Variants in GNB4 observed in about 807,000 individuals in gnomAD.
GNB4 encodes guanine nucleotide-binding protein subunit beta-4.
In GNB4, 28 loss-of-function variants were observed where a neutral mutation model predicts 45.2. That is an observed-to-expected ratio of 0.62 (90% CI 0.46 to 0.85). The LOEUF is 0.85. Among genes scored for constraint, GNB4 ranks in the 40% least tolerant of loss-of-function variants. The pLI is 0.00. For synonymous variants in GNB4, 132 were observed against 143.7 expected (o/e 0.92, Z 0.58); for missense variants, 321 against 425.4 (o/e 0.75, Z 2.16).
chr3:179,479,291 G>A, the GNB4 span, among the ~76,000 whole-genome samples: 1 of 151,878 alleles, frequency 6.6e-6, no homozygotes, highest in Non-Finnish European at 1.5e-5. Context: ...ACAATCCTTG[G>A]TGCCCATTTT....
At chr3:179,461,929 A>AT in the GNB4 span, among the ~76,000 whole-genome samples, 2 of 152,166 alleles carry the variant, frequency 1.3e-5, no homozygotes, top group Non-Finnish European at 2.9e-5. Context: ...CCGATATATT[A>AT]TTGTTGAATT....
the GNB4 span, among the ~76,000 whole-genome samples, chr3:179,523,461 A>T: frequency 1.5e-4 from 23 of 152,196 alleles, no homozygotes; most frequent in Non-Finnish European, 2.2e-4. Context: ...TATTGAGGAT[A>T]GGAGAGTATG....
At chr3:179,468,044 A>ATATATATATG in the GNB4 span, among the ~76,000 whole-genome samples, 50 of 99,084 alleles carry the variant, frequency 5.0e-4, 13 homozygotes, top group South Asian at 1.2e-3. Flanking sequence ...AAATATATAT[A>ATATATATATG]TATATAGAAC....
intron 5 of GNB4, among the ~76,000 whole-genome samples, chr3:179,416,218 T>C (rs1714793958): frequency 1.3e-5 from 2 of 152,192 alleles, no homozygotes; most frequent in Non-Finnish European, 2.9e-5. Context: ...ATGGGAATTT[T>C]TAAAAATCAT....
chr3:179,468,035 A>AAAAAAAAAAAAAAAATATATATATATAT, the GNB4 span, among the ~76,000 whole-genome samples: 4 of 89,862 alleles, frequency 4.5e-5, no homozygotes, highest in African/African-American at 1.6e-4. Flanking sequence ...TGTTGATAAA[A>AAAAAAAAAAAAAAAATATATATATATAT]ATATATATAT....
At chr3:179,526,629 CT>C in the GNB4 span, among the ~76,000 whole-genome samples, 2 of 151,694 alleles carry the variant, frequency 1.3e-5, no homozygotes, top group African/African-American at 4.9e-5. Context: ...TTTATTCTCT[CT>C]CTAACTCAAC....
chr3:179,457,944 A>C, the GNB4 span, among the ~76,000 whole-genome samples: 2 of 147,606 alleles, frequency 1.4e-5, no homozygotes, highest in African/African-American at 5.0e-5. Flanking sequence ...TTGCTCTGTC[A>C]CCCAGGCTGG....
At chr3:179,414,340 C>T (rs1714734101) in intron 6 of GNB4, among the ~76,000 whole-genome samples, 1 of 151,994 alleles carries the variant, frequency 6.6e-6, no homozygotes, top group Admixed American at 6.5e-5. Context: ...GTCAGAAAAA[C>T]ACCATTCTAG....
At chr3:179,520,701 A>G in the GNB4 span, among the ~76,000 whole-genome samples, 63,102 of 151,818 alleles carry the variant, frequency 0.42, 13,600 homozygotes, top group East Asian at 0.67. Flanking sequence ...TTCCTGGCCC[A>G]GACTTCAATC....
chr3:179,411,174 G>A (rs1309267873), intron 8 of GNB4, among the ~76,000 whole-genome samples: 1 of 151,934 alleles, frequency 6.6e-6, no homozygotes, highest in Non-Finnish European at 1.5e-5. Flanking sequence ...CACAAATATA[G>A]AGCCAAATGG....
At chr3:179,459,618 G>A in the GNB4 span, among the ~76,000 whole-genome samples, 29 of 151,668 alleles carry the variant, frequency 1.9e-4, no homozygotes, top group Non-Finnish European at 3.7e-4. Context: ...GGAGGCAGAG[G>A]ATGCGGTGAG....
At chr3:179,465,465 C>T in the GNB4 span, 41 of 355,380 alleles carry the variant, frequency 1.2e-4, 1 homozygote, top group Middle Eastern at 4.5e-3. Context: ...AAAAATTAGC[C>T]GGGCGTGGTG....
At chr3:179,485,254 C>T in the GNB4 span, among the ~76,000 whole-genome samples, 1 of 152,058 alleles carries the variant, frequency 6.6e-6, no homozygotes, top group South Asian at 2.1e-4. Context: ...CCTCGTGATC[C>T]GCCCGCCTCG....
intron 1 of GNB4, among the ~76,000 whole-genome samples, chr3:179,439,161 A>G (rs1326188041): frequency 6.6e-6 from 1 of 152,164 alleles, no homozygotes; most frequent in Admixed American, 6.5e-5. Flanking sequence ...GTGAGTCTGA[A>G]GCTCTCTAGA....
the GNB4 span, among the ~76,000 whole-genome samples, chr3:179,495,991 T>C: frequency 6.6e-6 from 1 of 152,126 alleles, no homozygotes; most frequent in Non-Finnish European, 1.5e-5. Context: ...ATTAGCAATA[T>C]GAAAATATAT....
the GNB4 span, chr3:179,464,758 T>C: frequency 2.4e-6 from 3 of 1,247,048 alleles, no homozygotes; most frequent in African/African-American, 1.5e-5. Flanking sequence ...CTTCCAGACA[T>C]ATTGATGAGA....
the GNB4 span, among the ~76,000 whole-genome samples, chr3:179,494,312 A>C: frequency 6.6e-6 from 1 of 152,006 alleles, no homozygotes; most frequent in African/African-American, 2.4e-5. Context: ...GAAGGAAGGA[A>C]GGAAAGAAAG....
At position 179,397,761 on chromosome 3, in the gene GNB4, G is replaced by T. The variant is rs1159193706; in HGVS notation, c.*3452C>A. ...AAAACTGCTTTTTCTTTTTGGGACG[G>T]AATCTTGCTCTGTCGCTCGGGTTGG... On this transcript the variant is annotated 3_prime_UTR_variant, in exon 10 of 10. Transcript: ENST00000232564. The T allele has an allele frequency of 6.6e-6, 1 of 152,648 alleles. No individual in the cohort carries two copies. The highest frequency in any genetic ancestry group is 1.5e-5 in the Non-Finnish European group (1 of 68,088). 9.5% of individuals were successfully genotyped at this position (152,648 alleles called of 1,614,324 possible). A position where few individuals can be genotyped will look rare whatever the true frequency, so the allele number is the denominator to read the frequency against.
At chr3:179,472,899 C>T in the GNB4 span, among the ~76,000 whole-genome samples, 3 of 152,212 alleles carry the variant, frequency 2.0e-5, no homozygotes, top group African/African-American at 4.8e-5. Context: ...CGCGGTGGCT[C>T]ACGCCTGTAA....
Sources: allele counts gnomAD v4.1 joint callset (sites outside exome capture counted in the v4.1 genomes callset), GRCh38; gene constraint gnomAD v4.1.1; transcripts MANE v1.5; gene names NCBI Gene and HGNC (gene_info 2026-07-23, HGNC 2026-07-21).